Variants in FAM53B observed in about 807,000 individuals in gnomAD.
FAM53B encodes the protein protein FAM53B.
Under a neutral mutation model 32.7 loss-of-function variants are expected in FAM53B, and 12 were observed. The observed-to-expected ratio is 0.37, with a 90% CI of 0.24 to 0.59. FAM53B has a LOEUF of 0.59. FAM53B is among the 20% of genes least tolerant of loss of function. FAM53B has a pLI of 0.72. For synonymous variants in FAM53B, 234 were observed against 228.7 expected (o/e 1.02, Z -0.21); for missense variants, 477 against 577.7 (o/e 0.83, Z 1.79).
rs370839571 is a variant in FAM53B at position 124,623,524 on chromosome 10, G to A, written c.987C>T (p.His329=). ...DCGPQSPFAR[H]VSNTRAWTAL... ...CGGTCCAGGCCCTGGTGTTGCTGAC[G>A]TGGCGGGCGAAGGGGCTCTGGGGAC... The change falls in exon 5 of 5, where the codon CAC becomes CAT. Residue 329 remains histidine (H), a synonymous_variant. Transcript: ENST00000337318. 6.6e-5 allele frequency: 102 copies of A among 1,548,494 alleles called. No homozygotes were observed. Among genetic ancestry groups the A allele is most frequent in the Non-Finnish European group, 8.0e-5 (92 of 1,148,060 alleles).
chr10:124,683,323 A>G (rs1171256800), intron 3 of FAM53B, among the ~76,000 whole-genome samples: 1 of 152,244 alleles, frequency 6.6e-6, no homozygotes, highest in African/African-American at 2.4e-5. Context: ...TCAAGTTTAC[A>G]GTATAAAAGC....
intron 4 of FAM53B, among the ~76,000 whole-genome samples, chr10:124,629,106 G>A (rs1220468270): frequency 2.0e-5 from 3 of 152,238 alleles, no homozygotes; most frequent in Non-Finnish European, 2.9e-5. Flanking sequence ...TTTCTAGAAC[G>A]GGAATGTCAA....
chr10:124,644,580 G>T (rs1194812729), intron 4 of FAM53B, among the ~76,000 whole-genome samples: 1 of 152,168 alleles, frequency 6.6e-6, no homozygotes, highest in Non-Finnish European at 1.5e-5. Context: ...AAATTACCAG[G>T]GTTTCCTCCT....
Position 124,744,321 on chromosome 10 carries a change from GGCGGCGGCGTGCAGGAGGCAGGCGGCGT to G in FAM53B, c.-511_-484del, listed in dbSNP as rs1287305604. 13 of 147,564 alleles carry G rather than the reference GGCGGCGGCGTGCAGGAGGCAGGCGGCGT, an allele frequency of 8.8e-5. No homozygotes were observed. The highest frequency in any genetic ancestry group is 3.2e-4 in the African/African-American group (13 of 40,984). 9.1% of individuals were successfully genotyped at this position (147,564 alleles called of 1,614,324 possible). Reference sequence around the variant, plus strand: ...TGTCGCGGGCCCGGGCGCTAGGCGCGGCGGCGGCGTGCAGGAGGCAGGCGGCGTGCGGCGGCGGCGGCAGGCGAGTGTG... The same window carrying G: ...TGTCGCGGGCCCGGGCGCTAGGCGCGGCGGCGGCGGCGGCAGGCGAGTGTG... On this transcript the variant is annotated 5_prime_UTR_variant, in exon 1 of 5. Coordinates refer to ENST00000337318, the MANE Select transcript of FAM53B (RefSeq NM_014661.4).
intron 4 of FAM53B, among the ~76,000 whole-genome samples, chr10:124,650,016 T>C (rs533238781): frequency 6.6e-6 from 1 of 152,284 alleles, no homozygotes; most frequent in South Asian, 2.1e-4. Flanking sequence ...GCCTGCAGAT[T>C]TCCAGCCATC....
chr10:124,659,382 T>G (rs1191309575), intron 4 of FAM53B, among the ~76,000 whole-genome samples: 2 of 152,252 alleles, frequency 1.3e-5, no homozygotes, highest in Non-Finnish European at 2.9e-5. Flanking sequence ...ATTGTCAGTT[T>G]CAAAACAGGC....
intron 1 of FAM53B, among the ~76,000 whole-genome samples, chr10:124,727,559 A>G (rs984847699): frequency 5.3e-5 from 8 of 152,272 alleles, no homozygotes; most frequent in African/African-American, 1.9e-4. Context: ...GACCTTGAGC[A>G]CTGCAAACAT....
chr10:124,689,160 T>C (rs1473222619), intron 3 of FAM53B, among the ~76,000 whole-genome samples: 3 of 152,204 alleles, frequency 2.0e-5, no homozygotes, highest in Non-Finnish European at 4.4e-5. Context: ...AAAGATTCTA[T>C]GCTTGGTTTG....
At chr10:124,625,893 G>T (rs1949345281) in intron 4 of FAM53B, among the ~76,000 whole-genome samples, 1 of 152,254 alleles carries the variant, frequency 6.6e-6, no homozygotes, top group Non-Finnish European at 1.5e-5. Flanking sequence ...GGTCCCCGGG[G>T]AGCCTGACCC....
At chr10:124,717,303 A>C (rs1412626627) in intron 1 of FAM53B, among the ~76,000 whole-genome samples, 1 of 152,180 alleles carries the variant, frequency 6.6e-6, no homozygotes, top group African/African-American at 2.4e-5. Context: ...CCAGGTCTTT[A>C]TGACTCTCTG....
chr10:124,719,456 T>A (rs1338740707), intron 1 of FAM53B, among the ~76,000 whole-genome samples: 1 of 152,064 alleles, frequency 6.6e-6, no homozygotes, highest in Admixed American at 6.6e-5. Context: ...TCGTTACAGA[T>A]CTAAGCGAGA....
In FAM53B at chr10:124,681,703, C is replaced by CG; in HGVS notation, c.809dup (p.Cys271ValfsTer4). On this transcript the variant is annotated frameshift_variant, in exon 4 of 5. Coordinates refer to ENST00000337318, the MANE Select transcript of FAM53B (RefSeq NM_014661.4). LOFTEE classifies it high-confidence loss of function. The stretch of plus-strand genomic sequence containing the variant: ...CGACCTTCTTGTCGTTAAGGACACA[C>CG]GGCTGGGAGCGGCTGCGGGAAAGGC... The CG allele has an allele frequency of 6.2e-7, 1 of 1,610,412 alleles. No individual in the cohort carries two copies. Among genetic ancestry groups the CG allele is most frequent in the Non-Finnish European group, 8.5e-7 (1 of 1,178,452 alleles).
chr10:124,635,334 G>A (rs1014643723), intron 4 of FAM53B, among the ~76,000 whole-genome samples: 26 of 152,198 alleles, frequency 1.7e-4, no homozygotes, highest in Admixed American at 3.9e-4. Context: ...CTTGTGATCT[G>A]CCTCGGCCTC....
rs1475263571 is a variant in FAM53B, at chr10:124,730,239, A to G, written c.-175+13774T>C. Among the ~76,000 whole-genome samples the G allele has an allele frequency of 4.6e-5, 7 of 152,368 alleles. No individual in the cohort carries two copies. The East Asian group carries it at 1.3e-3, about 29-fold the overall frequency. On this transcript the variant is annotated intron_variant, in intron 1 of 4. Transcript: ENST00000337318. ...CCATCAGGCCCAAATGGCCCAGAAC[A>G]GAACAGGTATGAATACATAAAAATG...
At chr10:124,638,907 G>T (rs1564864197) in intron 4 of FAM53B, among the ~76,000 whole-genome samples, 1 of 152,228 alleles carries the variant, frequency 6.6e-6, no homozygotes, top group Non-Finnish European at 1.5e-5. Flanking sequence ...AGCGCCAGAA[G>T]TGAGTGGTGG....
At chr10:124,645,966 C>A (rs909976469) in intron 4 of FAM53B, among the ~76,000 whole-genome samples, 1 of 152,178 alleles carries the variant, frequency 6.6e-6, no homozygotes, top group Admixed American at 6.5e-5. Flanking sequence ...GTCTCCTTTG[C>A]CACTGCCCAA....
At position 124,620,951 on chromosome 10, in the gene FAM53B, C is replaced by G. The variant is rs1949306762; in HGVS notation, c.*2291G>C. 6.6e-6 allele frequency: 1 copy of G among 152,176 alleles called. No individual in the cohort carries two copies. Among genetic ancestry groups the G allele is most frequent in the African/African-American group, 2.4e-5 (1 of 41,428 alleles). The allele number at this position is 152,176 out of a possible 1,614,324, so 9.4% of individuals were successfully genotyped here. ...CGGGGAGGTGGGGAGGTGGCTGTGA[C>G]TCAGCCAGCTCCACAGCTTGTCCCT... On this transcript the variant is annotated 3_prime_UTR_variant, in exon 5 of 5. Coordinates refer to ENST00000337318, the MANE Select transcript of FAM53B (RefSeq NM_014661.4).
intron 4 of FAM53B, among the ~76,000 whole-genome samples, chr10:124,672,880 T>C (rs1188449079): frequency 6.6e-6 from 1 of 152,156 alleles, no homozygotes. Context: ...TAGGTCATGG[T>C]GATCCACTGG....
intron 1 of FAM53B, among the ~76,000 whole-genome samples, chr10:124,739,963 A>G (rs909116442): frequency 4.6e-5 from 7 of 152,160 alleles, no homozygotes; most frequent in African/African-American, 1.7e-4. Context: ...AAAAACAAAC[A>G]AACAAAAAAA....
Sources: allele counts gnomAD v4.1 joint callset (sites outside exome capture counted in the v4.1 genomes callset), GRCh38; gene constraint gnomAD v4.1.1; transcripts MANE v1.5; gene names NCBI Gene and HGNC (gene_info 2026-07-23, HGNC 2026-07-21).